Variants in SLC12A1 observed in about 807,000 individuals in gnomAD.
SLC12A1 encodes solute carrier family 12 member 1.
A neutral mutation model predicts 130.4 loss-of-function variants in SLC12A1; 89 were observed. The ratio of observed to expected loss-of-function variants is 0.68; its 90% confidence interval spans 0.58 to 0.81. SLC12A1 has a LOEUF of 0.81. Ranked by LOEUF, SLC12A1 falls within the 40% of genes least tolerant of loss-of-function variation. The probability of loss-of-function intolerance (pLI) is 0.00; values close to 1 mark genes in which losing one functional copy is unlikely to be tolerated. For synonymous variants in SLC12A1, 499 were observed against 460.0 expected, an observed-to-expected ratio of 1.08 and a Z score of -1.09; for missense variants, 1,310 against 1,336.4, an observed-to-expected ratio of 0.98 and a Z score of 0.31.
In SLC12A1 at chr15:48,241,580, A is replaced by T. The variant is rs1309710265; in HGVS notation, c.1281A>T (p.Leu427Phe). ...LAIFITTVAY[L>F]GVAICVGACV... The stretch of plus-strand genomic sequence containing the variant: ...TTTTCATCACCACTGTTGCCTACTT[A>T]GGGGTTGCAATTTGTGTAGGTAAGT... Residue 427 changes from leucine (L) to phenylalanine (F), a missense_variant, in exon 10 of 27, where the codon TTA becomes TTT. By Grantham distance (22) the Leu-to-Phe change is conservative. Transcript: ENST00000380993. The T allele has an allele frequency of 6.2e-7, 1 of 1,613,528 alleles. No individual in the cohort carries two copies. The highest frequency in any genetic ancestry group is 1.1e-5 in the South Asian group (1 of 91,072).
chr15:48,229,144 A>G, intron 5 of SLC12A1, 45 bp from the exon 6 acceptor site: 2 of 1,553,362 alleles, frequency 1.3e-6, no homozygotes, highest in East Asian at 4.7e-5. Context: ...TGGTTATATA[A>G]ACTAGCAGTT....
At chr15:48,236,498 C>T (rs934552920) in intron 9 of SLC12A1, among the ~76,000 whole-genome samples, 2 of 152,156 alleles carry the variant, frequency 1.3e-5, no homozygotes, top group Non-Finnish European at 2.9e-5. Context: ...CAAAGGGAAA[C>T]GGCTGTTAGA....
chr15:48,257,236 C>T (rs958637633), intron 16 of SLC12A1, among the ~76,000 whole-genome samples: 1 of 152,102 alleles, frequency 6.6e-6, no homozygotes, highest in Non-Finnish European at 1.5e-5. Context: ...TTGCAGGGTA[C>T]AGCCTCCCTC....
intron 19 of SLC12A1, among the ~76,000 whole-genome samples, chr15:48,270,728 T>C (rs935743104): frequency 3.3e-4 from 19 of 58,052 alleles, no homozygotes; most frequent in African/African-American, 1.7e-3. Flanking sequence ...ATATAATATA[T>C]AATACTTATG....
chr15:48,236,169 T>C (rs1420122213), intron 9 of SLC12A1, among the ~76,000 whole-genome samples: 4 of 151,332 alleles, frequency 2.6e-5, no homozygotes, highest in Non-Finnish European at 4.4e-5. Flanking sequence ...CCACAACAAA[T>C]TATTATCAAC....
chr15:48,243,311 A>G (rs964465067), intron 10 of SLC12A1, among the ~76,000 whole-genome samples: 1 of 152,076 alleles, frequency 6.6e-6, no homozygotes, highest in Admixed American at 6.6e-5. Flanking sequence ...TCTCAGTACT[A>G]TGATTAAAAG....
At chr15:48,245,416 C>T in intron 11 of SLC12A1, among the ~76,000 whole-genome samples, 1 of 152,084 alleles carries the variant, frequency 6.6e-6, no homozygotes, top group East Asian at 1.9e-4. Flanking sequence ...TCAACCCTTG[C>T]CTTCCTCTAT....
intron 7 of SLC12A1, among the ~76,000 whole-genome samples, chr15:48,231,186 G>A (rs984446554): frequency 6.6e-6 from 1 of 152,078 alleles, no homozygotes; most frequent in Non-Finnish European, 1.5e-5. Flanking sequence ...TTCCTACATG[G>A]CATTTATTTG....
chr15:48,220,877 CT>C, intron 3 of SLC12A1, 43 bp from the exon 4 acceptor site: 1 of 1,611,834 alleles, frequency 6.2e-7, no homozygotes, highest in African/African-American at 1.3e-5. Context: ...TTTTGTCCCA[CT>C]ATCGTTTGTC....
At position 48,246,734 on chromosome 15, in the gene SLC12A1, C is replaced by A. The variant is rs1321388032; in HGVS notation, c.1453-175C>A. Reference sequence around the variant, plus strand: ...GGCAGCGGTTGCAGTGAGCCAAGATCGTGCCACTGCACTCCAGCCTGGGCG... The same window carrying A: ...GGCAGCGGTTGCAGTGAGCCAAGATAGTGCCACTGCACTCCAGCCTGGGCG... On this transcript the variant is annotated intron_variant, in intron 11 of 26. Coordinates refer to ENST00000380993, the MANE Select transcript of SLC12A1 (RefSeq NM_000338.3). 2.0e-5 allele frequency among the ~76,000 whole-genome samples: 3 copies of A among 152,088 alleles called. No individual in the cohort carries two copies. The East Asian group carries it at 5.8e-4, about 29-fold the overall frequency.
intron 8 of SLC12A1, among the ~76,000 whole-genome samples, chr15:48,234,453 AG>A (rs1322778197): frequency 3.3e-5 from 5 of 152,198 alleles, no homozygotes; most frequent in African/African-American, 1.2e-4. Flanking sequence ...TTTAGAATAT[AG>A]GAATGTGGCC....
chr15:48,207,590 T>C lies in SLC12A1; in HGVS notation c.-130T>C. 1.7e-6 allele frequency: 1 copy of C among 598,302 alleles called. No homozygotes were observed. The highest frequency in any genetic ancestry group is 3.0e-5 in the East Asian group (1 of 33,820). The allele number at this position is 598,302 out of a possible 1,614,324, so 37.1% of individuals were successfully genotyped here. ...GACAATATATCAAGAATCTATTTATTGAATCATCTAGAACAAAAGCCAGGA... is the reference window on the plus strand; with the variant it reads ...GACAATATATCAAGAATCTATTTATCGAATCATCTAGAACAAAAGCCAGGA... On this transcript the variant is annotated 5_prime_UTR_variant, in exon 2 of 27. Transcript: ENST00000380993.
intron 10 of SLC12A1, among the ~76,000 whole-genome samples, chr15:48,242,656 G>A (rs2041530355): frequency 1.3e-5 from 2 of 152,088 alleles, no homozygotes; most frequent in South Asian, 4.1e-4. Context: ...TAAAAAATTA[G>A]CCGGGCGTGG....
At chr15:48,221,843 T>C (rs1007818080) in intron 4 of SLC12A1, among the ~76,000 whole-genome samples, 7 of 152,184 alleles carry the variant, frequency 4.6e-5, no homozygotes, top group African/African-American at 1.7e-4. Flanking sequence ...AATATGGAAG[T>C]TCTATTGTGC....
intron 2 of SLC12A1, 111 bp from the exon 3 acceptor site, chr15:48,220,522 GT>G: frequency 1.9e-6 from 2 of 1,064,858 alleles, no homozygotes; most frequent in Non-Finnish European, 1.3e-6. Flanking sequence ...TAGTTTGGGG[GT>G]TTTTTGGTAT....
chr15:48,212,574 G>A (rs567710427), intron 2 of SLC12A1, among the ~76,000 whole-genome samples: 1 of 152,132 alleles, frequency 6.6e-6, no homozygotes, highest in Non-Finnish European at 1.5e-5. Flanking sequence ...CCTAATTCCT[G>A]TGACCAACTT....
intron 20 of SLC12A1, among the ~76,000 whole-genome samples, chr15:48,282,121 T>C (rs2042014048): frequency 1.3e-5 from 2 of 152,112 alleles, no homozygotes; most frequent in African/African-American, 4.8e-5. Flanking sequence ...CTTGCGAAAA[T>C]CACTATGCAA....
At chr15:48,212,591 T>C (rs2041066737) in intron 2 of SLC12A1, among the ~76,000 whole-genome samples, 1 of 152,198 alleles carries the variant, frequency 6.6e-6, no homozygotes, top group East Asian at 1.9e-4. Context: ...ACTTTTCATA[T>C]CCAATTCCTT....
chr15:48,247,234 G>C (rs773281870), intron 12 of SLC12A1, 103 bp from the exon 13 acceptor site: 10 of 1,203,540 alleles, frequency 8.3e-6, no homozygotes, highest in Non-Finnish European at 1.2e-5. Context: ...GCCTCATCTT[G>C]TGTATCACTT....
Sources: allele counts gnomAD v4.1 joint callset (sites outside exome capture counted in the v4.1 genomes callset), GRCh38; gene constraint gnomAD v4.1.1; transcripts MANE v1.5; gene names NCBI Gene and HGNC (gene_info 2026-07-23, HGNC 2026-07-21).